Variants in TUBD1 observed in about 807,000 individuals in gnomAD.
TUBD1 encodes tubulin delta 1.
A neutral mutation model predicts 51.2 loss-of-function variants in TUBD1; 38 were observed. The observed-to-expected ratio is 0.74, with a 90% CI of 0.57 to 0.97. TUBD1 has a LOEUF of 0.97. Among genes scored for constraint, TUBD1 ranks in the 50% least tolerant of loss-of-function variants. The pLI is 0.00. For synonymous variants in TUBD1, 169 were observed against 178.2 expected (o/e 0.95, Z 0.41); for missense variants, 489 against 538.4 (o/e 0.91, Z 0.91).
intron 3 of TUBD1, among the ~76,000 whole-genome samples, chr17:59,884,119 G>A (rs1188378170): frequency 6.6e-6 from 1 of 151,804 alleles, no homozygotes; most frequent in African/African-American, 2.4e-5. Flanking sequence ...AAATTAGCCG[G>A]GCGTGGTGGC....
chr17:59,885,286 C>T, intron 3 of TUBD1: 1 of 593,484 alleles, frequency 1.7e-6, no homozygotes, highest in East Asian at 3.4e-5. Flanking sequence ...CTGGGACCAG[C>T]TGGACCTGAG....
At chr17:59,887,552 T>C (rs911987087) in intron 2 of TUBD1, among the ~76,000 whole-genome samples, 1 of 152,048 alleles carries the variant, frequency 6.6e-6, no homozygotes, top group Non-Finnish European at 1.5e-5. Flanking sequence ...GTAGAAGTGA[T>C]GGATGGGGAT....
chr17:59,872,952 G>T (rs899549322), intron 6 of TUBD1, among the ~76,000 whole-genome samples: 1 of 151,940 alleles, frequency 6.6e-6, no homozygotes, highest in Non-Finnish European at 1.5e-5. Context: ...TAGTAAAGAA[G>T]GGGTTTCGCC....
chr17:59,863,879 A>C (rs773521686), intron 7 of TUBD1, 32 bp from the exon 8 acceptor site: 1 of 1,409,234 alleles, frequency 7.1e-7, no homozygotes, highest in East Asian at 2.6e-5. Context: ...CCGTCTTTTT[A>C]TAGCATAAAT....
intron 3 of TUBD1, among the ~76,000 whole-genome samples, chr17:59,881,439 G>A (rs892324064): frequency 2.6e-5 from 4 of 152,128 alleles, no homozygotes; most frequent in African/African-American, 9.7e-5. Context: ...GGGTTAACAG[G>A]CGAACAGGAC....
chr17:59,883,247 C>CA (rs2040570637), intron 3 of TUBD1, among the ~76,000 whole-genome samples: 1 of 151,800 alleles, frequency 6.6e-6, no homozygotes, highest in Non-Finnish European at 1.5e-5. Context: ...AGGCACAGGC[C>CA]ACCACACCCA....
intron 7 of TUBD1, 72 bp from the exon 8 acceptor site, chr17:59,863,919 TTTTC>T: frequency 8.2e-7 from 1 of 1,226,284 alleles, no homozygotes; most frequent in Non-Finnish European, 1.1e-6. Context: ...CAAACAGATA[TTTTC>T]TTGTCTATTT....
At chr17:59,885,561 C>A in intron 3 of TUBD1, 1 of 1,399,468 alleles carries the variant, frequency 7.1e-7, no homozygotes, top group South Asian at 1.2e-5. Context: ...TCTGAGGAGG[C>A]TTCGTGGGCT....
At chr17:59,886,274 TTTA>T (rs1469103235) in intron 2 of TUBD1, 44 bp from the exon 3 acceptor site, 1 of 1,578,262 alleles carries the variant, frequency 6.3e-7, no homozygotes, top group Admixed American at 1.9e-5. Context: ...GAAAAAAAGA[TTTA>T]TTATGTCTTA....
At chr17:59,876,012 A>G (rs1043387058) in intron 5 of TUBD1, among the ~76,000 whole-genome samples, 1 of 152,114 alleles carries the variant, frequency 6.6e-6, no homozygotes, top group Non-Finnish European at 1.5e-5. Context: ...AGAAAAGAAC[A>G]AATTTTGACA....
At chr17:59,860,679 C>T (rs778710677) in intron 8 of TUBD1, among the ~76,000 whole-genome samples, 7 of 151,494 alleles carry the variant, frequency 4.6e-5, no homozygotes, top group Non-Finnish European at 1.0e-4. Flanking sequence ...CTCCACCTCC[C>T]AGGTTCAAGC....
intron 8 of TUBD1, 100 bp from the exon 9 acceptor site, chr17:59,860,524 T>C: frequency 1.4e-6 from 1 of 709,702 alleles, no homozygotes; most frequent in East Asian, 2.7e-5. Flanking sequence ...CTGATGAACA[T>C]TTGAAGATCA....
At chr17:59,868,793 C>T (rs777780894) in intron 6 of TUBD1, among the ~76,000 whole-genome samples, 9 of 151,706 alleles carry the variant, frequency 5.9e-5, no homozygotes, top group Non-Finnish European at 1.0e-4. Flanking sequence ...GCCAATATTG[C>T]GCCACTGCAC....
chr17:59,884,177 C>A (rs2040609786), intron 3 of TUBD1, among the ~76,000 whole-genome samples: 2 of 151,620 alleles, frequency 1.3e-5, no homozygotes, highest in Admixed American at 1.3e-4. Flanking sequence ...AGGAGAATCA[C>A]TTGAACCCGG....
At chr17:59,878,007 G>T (rs969788101) in intron 5 of TUBD1, 96 bp downstream of exon 5, 1 of 918,044 alleles carries the variant, frequency 1.1e-6, no homozygotes, top group Non-Finnish European at 1.7e-6. Context: ...CAAGACTTAA[G>T]TGTATCTTCA....
intron 2 of TUBD1, among the ~76,000 whole-genome samples, chr17:59,889,510 T>C (rs1263789940): frequency 6.7e-6 from 1 of 149,792 alleles, no homozygotes; most frequent in African/African-American, 2.4e-5. Flanking sequence ...CTACTAAAAA[T>C]ACAAAAAAAT....
chr17:59,866,303 T>C (rs1301262765), intron 7 of TUBD1, among the ~76,000 whole-genome samples: 4 of 151,218 alleles, frequency 2.6e-5, no homozygotes, highest in African/African-American at 9.7e-5. Flanking sequence ...GCCATAATGA[T>C]GGCTCACTGC....
intron 6 of TUBD1, among the ~76,000 whole-genome samples, chr17:59,869,431 C>T (rs1236836671): frequency 2.0e-5 from 3 of 151,234 alleles, no homozygotes; most frequent in East Asian, 1.9e-4. Context: ...GCCAAGATCG[C>T]GCCACTGCAC....
intron 5 of TUBD1, among the ~76,000 whole-genome samples, chr17:59,875,376 A>G (rs2040180724): frequency 6.6e-6 from 1 of 151,766 alleles, no homozygotes; most frequent in South Asian, 2.1e-4. Flanking sequence ...CACCCACCCT[A>G]CTAAATACTC....
Sources: gnomAD v4.1 joint callset for allele counts (sites outside exome capture counted in the v4.1 genomes callset) on GRCh38, gnomAD v4.1.1 for gene constraint, MANE v1.5 for transcripts, NCBI Gene and HGNC (gene_info 2026-07-23, HGNC 2026-07-21) for gene names.